The following OSMR variants were observed in gnomAD, a reference collection of about 807,000 sequenced individuals.
OSMR encodes the protein oncostatin-M-specific receptor subunit beta.
OSMR carries 81 observed loss-of-function variants against 99.9 expected under a neutral mutation model. The ratio of observed to expected loss-of-function variants is 0.81; its 90% CI spans 0.68 to 0.97. OSMR has a LOEUF of 0.97. Ranked by LOEUF, OSMR falls within the 50% of genes least tolerant of loss-of-function variation. OSMR has a pLI of 0.00. For synonymous variants in OSMR, 406 were observed against 410.4 expected (o/e 0.99, Z 0.13); for missense variants, 1,099 against 1,153.4 (o/e 0.95, Z 0.68).
At chr5:38,937,890 T>C (rs1346462429), downstream of OSMR, 2 of 176,754 alleles carry the variant, frequency 1.1e-5, no homozygotes, top group East Asian at 1.9e-4. This position sits in a 1 kb window ranked among gnomAD's most constrained non-coding sequence, Gnocchi z 4.0. Context: ...CACTGATTAT[T>C]TTAAGATTTC....
intron 2 of OSMR, among the ~76,000 whole-genome samples, chr5:38,944,729 T>G (rs1164505481): frequency 6.6e-6 from 1 of 152,208 alleles, no homozygotes; most frequent in Non-Finnish European, 1.5e-5. Context: ...AGCAGATAGC[T>G]AAGAGGCTCT....
In OSMR at chr5:38,852,401, T is replaced by C. The variant is rs1261492302; in HGVS notation, c.-14+6014T>C. 4.6e-5 allele frequency among the ~76,000 whole-genome samples: 7 copies of C among 152,316 alleles called. No homozygotes were observed. In the East Asian group the frequency reaches 1.4e-3, roughly 29 times the overall value. On this transcript the variant is annotated intron_variant, in intron 1 of 17. Coordinates refer to ENST00000274276, the MANE Select transcript of OSMR (RefSeq NM_003999.3). ...GGTCAAATGGACCTCTGTAAGGTTG[T>C]ATGCTTTGATCATTAGTGAGTCACA...
At position 38,923,171 on chromosome 5, in the gene OSMR, G is replaced by T. The variant is rs142163960; in HGVS notation, c.1787G>T (p.Arg596Leu). The change falls in exon 13 of 18, where the codon CGA (arginine) becomes CTA (leucine). Residue 596 changes from arginine to leucine, a missense_variant. Transcript: ENST00000274276. ...CTAGATGCTTTTAGGCCAGGAGTTCGATATGACTTCAGAATTTATGGGTTA... is the reference window on the plus strand; with the variant it reads ...CTAGATGCTTTTAGGCCAGGAGTTCTATATGACTTCAGAATTTATGGGTTA... ...ISTDAFRPGV[R>L]YDFRIYGLST... The T allele has an allele frequency of 6.2e-7, 1 of 1,613,166 alleles. No homozygotes were observed. The highest frequency in any genetic ancestry group is 8.5e-7 in the Non-Finnish European group (1 of 1,179,236).
intron 9 of OSMR, among the ~76,000 whole-genome samples, chr5:38,904,940 C>T (rs564875681): frequency 1.0e-3 from 157 of 152,224 alleles, no homozygotes; most frequent in Non-Finnish European, 1.9e-3. Context: ...TCATTTGTTC[C>T]GGTGATGCCA....
At chr5:38,863,503 C>A (rs1399166866) in intron 1 of OSMR, among the ~76,000 whole-genome samples, 1 of 152,074 alleles carries the variant, frequency 6.6e-6, no homozygotes, top group Non-Finnish European at 1.5e-5. Context: ...CGCCACTGCA[C>A]TCCAGCCTGG....
At chr5:38,879,070 A>T (rs944662961) in intron 3 of OSMR, among the ~76,000 whole-genome samples, 4 of 152,198 alleles carry the variant, frequency 2.6e-5, no homozygotes, top group African/African-American at 9.7e-5. Flanking sequence ...CACTGATGAG[A>T]TGCTATGAGG....
chr5:38,870,763 C>T (rs1226404727), intron 2 of OSMR, among the ~76,000 whole-genome samples: 1 of 152,198 alleles, frequency 6.6e-6, no homozygotes, highest in Admixed American at 6.5e-5. Context: ...TAGGGGTCTG[C>T]ATACTCACTT....
intron 1 of OSMR, chr5:38,942,912 T>C: frequency 6.2e-7 from 1 of 1,608,210 alleles, no homozygotes; most frequent in Non-Finnish European, 8.5e-7. Flanking sequence ...TGACAGCAAA[T>C]GGGAAACCTC....
chr5:38,863,318 T>C (rs1741662745), intron 1 of OSMR, among the ~76,000 whole-genome samples: 1 of 150,916 alleles, frequency 6.6e-6, no homozygotes, highest in South Asian at 2.1e-4. Context: ...AGGCGGGCAG[T>C]TCATGAGGTC....
At chr5:38,893,192 T>G (rs1744270328) in intron 7 of OSMR, among the ~76,000 whole-genome samples, 1 of 152,202 alleles carries the variant, frequency 6.6e-6, no homozygotes. Flanking sequence ...AAATGAAACC[T>G]GCTGACAGAA....
chr5:38,905,875 C>T (rs1278043494), intron 9 of OSMR, among the ~76,000 whole-genome samples: 1 of 152,154 alleles, frequency 6.6e-6, no homozygotes, highest in East Asian at 1.9e-4. Context: ...TGGCAGAACT[C>T]TTTCTGTCTG....
intron 5 of OSMR, 100 bp from the exon 6 acceptor site, chr5:38,885,249 C>G: frequency 1.3e-6 from 2 of 1,575,970 alleles, no homozygotes; most frequent in Non-Finnish European, 1.7e-6. Flanking sequence ...CTTCCTTGTT[C>G]ACAGTAACTC....
At position 38,883,913 on chromosome 5, in the gene OSMR, G is replaced by GT; in HGVS notation, c.508dup (p.Ser170PhefsTer2). ...AGGCACCAATGTTACCATTTGTTAC[G>GT]TTTCTAGGAACATTCAAAATAATGT... On this transcript the variant is annotated frameshift_variant, in exon 5 of 18. Transcript: ENST00000274276. LOFTEE classifies it high-confidence loss of function. 6.2e-7 allele frequency: 1 copy of GT among 1,613,604 alleles called. No homozygotes were observed. Among genetic ancestry groups the GT allele is most frequent in the Non-Finnish European group, 8.5e-7 (1 of 1,179,574 alleles).
intron 1 of OSMR, among the ~76,000 whole-genome samples, chr5:38,862,014 C>A (rs1418475268): frequency 1.6e-5 from 2 of 124,416 alleles, no homozygotes; most frequent in African/African-American, 6.2e-5. Context: ...GCTGGCCGGG[C>A]AGAGGGGCTC....
Position 38,883,980 on chromosome 5 carries a change from T to C in OSMR, c.572T>C (p.Leu191Pro), listed in dbSNP as rs371722633. The C allele has an allele frequency of 4.0e-5, 64 of 1,613,610 alleles. No homozygotes were observed. The highest frequency in any genetic ancestry group is 5.0e-5 in the Non-Finnish European group (59 of 1,179,602). Residue 191 changes from leucine to proline, a missense_variant, in exon 5 of 18, where the codon CTT (leucine) becomes CCT (proline). Physicochemically the swap from Leu to Pro is moderately conservative, Grantham distance 98. Transcript: ENST00000274276. ...GGGAAACAGATTCATGGAGAACAAC[T>C]TGATCCACATGTAACTGCATTCAAC... ...LEGKQIHGEQ[L>P]DPHVTAFNLN...
chr5:38,928,910 CAT>C (rs534072553), intron 15 of OSMR, among the ~76,000 whole-genome samples: 18 of 152,158 alleles, frequency 1.2e-4, no homozygotes, highest in East Asian at 5.8e-4. Flanking sequence ...CACACACACA[CAT>C]GTGCACACAC....
At chr5:38,944,432 C>T (rs756627877) in intron 2 of OSMR, 5 of 1,591,332 alleles carry the variant, frequency 3.1e-6, no homozygotes, top group Middle Eastern at 1.7e-4. Context: ...TACTCATGCA[C>T]ATAGTTTACT....
In OSMR at chr5:38,852,718, A is replaced by ATTTTTTTTT. The variant is rs61559728; in HGVS notation, c.-14+6353_-14+6361dup. ...GATACATATTGAAACTATTGTTTTC[A>ATTTTTTTTT]TTTTTTTTTTTTTTTTTTTTTTTTT... On this transcript the variant is annotated intron_variant, in intron 1 of 17. Coordinates refer to ENST00000274276, the MANE Select transcript of OSMR (RefSeq NM_003999.3). Among the ~76,000 whole-genome samples the ATTTTTTTTT allele has an allele frequency of 9.0e-3, 636 of 70,644 alleles. 131 individuals are homozygous for ATTTTTTTTT. The highest frequency in any genetic ancestry group is 0.012 in the African/African-American group (227 of 18,668). 46.3% of individuals were successfully genotyped at this position (70,644 alleles called of 152,430 possible).
intron 15 of OSMR, among the ~76,000 whole-genome samples, chr5:38,930,861 T>G (rs1746696225): frequency 1.3e-5 from 2 of 151,632 alleles, no homozygotes; most frequent in South Asian, 4.2e-4. Context: ...CTACAAAGAT[T>G]AATAATAAGG....
Sources: gnomAD v4.1 joint callset for allele counts (sites outside exome capture counted in the v4.1 genomes callset) on GRCh38, gnomAD v4.1.1 for gene constraint, Gnocchi (gnomAD v3.1) non-coding constraint, MANE v1.5 for transcripts, NCBI Gene and HGNC (gene_info 2026-07-23, HGNC 2026-07-21) for gene names.